The following TNRC18 variants were observed in gnomAD, a reference collection of about 807,000 sequenced individuals.
TNRC18 encodes trinucleotide repeat containing 18.
TNRC18 carries 69 observed loss-of-function variants against 226.7 expected under a neutral mutation model. The observed-to-expected ratio is 0.30, with a 90% CI of 0.25 to 0.37. The LOEUF is 0.37. Among genes scored for constraint, TNRC18 ranks in the 10% least tolerant of loss-of-function variants. The pLI is 1.00. For synonymous variants in TNRC18, 2,449 were observed against 1,927.6 expected, an observed-to-expected ratio of 1.27 and a Z score of -7.09; for missense variants, 4,754 against 4,256.6, an observed-to-expected ratio of 1.12 and a Z score of -3.25.
Position 5,415,317 on chromosome 7 carries a change from TCAGAC to T in TNRC18, c.187+5738_187+5742del, listed in dbSNP as rs112409146. On this transcript the variant is annotated intron_variant, in intron 2 of 29. Transcript: ENST00000430969. ...CTGTGCTGATACAGCCCCTCACCTCTCAGACCAGACCAGACCTTTACCATTTTGTT... is the reference window on the plus strand; with the variant it reads ...CTGTGCTGATACAGCCCCTCACCTCTCAGACCAGACCTTTACCATTTTGTT... Among the ~76,000 whole-genome samples, 305 of 150,582 alleles carry T rather than the reference TCAGAC, an allele frequency of 2.0e-3. 3 individuals carry two copies. The highest frequency in any genetic ancestry group is 7.3e-3 in the African/African-American group (298 of 40,912).
At chr7:5,385,565 C>T (rs1279122897) in intron 5 of TNRC18, among the ~76,000 whole-genome samples, 2 of 150,466 alleles carry the variant, frequency 1.3e-5, no homozygotes, top group Non-Finnish European at 3.0e-5. Flanking sequence ...GTGCCTGTGA[C>T]CCCAGCTCCT....
chr7:5,404,470 A>G (rs1781331297), intron 2 of TNRC18, among the ~76,000 whole-genome samples: 1 of 152,214 alleles, frequency 6.6e-6, no homozygotes, highest in African/African-American at 2.4e-5. Flanking sequence ...AGAAGTATTG[A>G]AACAGTGATG....
At chr7:5,351,227 G>T (rs995663514) in intron 17 of TNRC18, among the ~76,000 whole-genome samples, 1 of 151,634 alleles carries the variant, frequency 6.6e-6, no homozygotes, top group Non-Finnish European at 1.5e-5. Flanking sequence ...GAAACAAAAT[G>T]AGAGGGAAGC....
intron 14 of TNRC18, 145 bp from the exon 15 acceptor site, chr7:5,359,714 T>C: frequency 3.7e-6 from 3 of 812,900 alleles, no homozygotes; most frequent in Middle Eastern, 2.4e-4. Flanking sequence ...GAGATGGATC[T>C]TGTAAAACAA....
At chr7:5,320,498 CGAGCCTCCCGAGG>C in intron 23 of TNRC18, 21 bp downstream of exon 23, 1 of 1,573,636 alleles carries the variant, frequency 6.4e-7, no homozygotes, top group Non-Finnish European at 8.6e-7. Context: ...CAGCCCACCC[CGAGCCTCCCGAGG>C]CCCCGCCCCT....
chr7:5,409,217 G>A (rs2128217221), intron 2 of TNRC18, among the ~76,000 whole-genome samples: 1 of 151,950 alleles, frequency 6.6e-6, no homozygotes, highest in South Asian at 2.1e-4. Flanking sequence ...AAGTCTCCAA[G>A]GTGAAAGAGA....
intron 25 of TNRC18, among the ~76,000 whole-genome samples, 156 bp from the exon 26 acceptor site, chr7:5,315,304 C>T (rs990319481): frequency 2.6e-5 from 4 of 152,232 alleles, no homozygotes; most frequent in African/African-American, 9.6e-5. Context: ...CTGTGAGGTC[C>T]AGCAGGGGAA....
intron 3 of TNRC18, among the ~76,000 whole-genome samples, chr7:5,391,492 G>T (rs1363867106): frequency 6.6e-6 from 1 of 151,780 alleles, no homozygotes; most frequent in South Asian, 2.1e-4. Context: ...TGTATTTTTA[G>T]TAGAGATGGG....
At chr7:5,354,831 C>T (rs1486631009) in intron 16 of TNRC18, among the ~76,000 whole-genome samples, 1 of 152,188 alleles carries the variant, frequency 6.6e-6, no homozygotes, top group Non-Finnish European at 1.5e-5. Flanking sequence ...AGGCCCCCAA[C>T]GACCCCGTAA....
rs1562504810 is a variant in TNRC18 at position 5,332,852 on chromosome 7, T to G, written c.5917A>C (p.Lys1973Gln). The change falls in exon 19 of 30, where the codon AAG becomes CAG. Residue 1973 changes from lysine (K) to glutamine (Q), a missense_variant. Physicochemically the swap from Lys to Gln is moderately conservative, Grantham distance 53 (BLOSUM62 1). Transcript: ENST00000430969. ...CCAGGCTCCTTGGGGCCCCGCAGCTTCCGGGCCTTGCGCCCCTTCTCCACC... is the reference window on the plus strand; with the variant it reads ...CCAGGCTCCTTGGGGCCCCGCAGCTGCCGGGCCTTGCGCCCCTTCTCCACC... ...LAVEKGRKAR[K>Q]LRGPKEPGFE... The G allele has an allele frequency of 6.6e-7, 1 of 1,510,916 alleles. No homozygotes were observed. 93.6% of individuals were successfully genotyped at this position (1,510,916 alleles called of 1,614,324 possible). A position where few individuals can be genotyped will look rare whatever the true frequency, so the allele number is the denominator to read the frequency against.
intron 2 of TNRC18, among the ~76,000 whole-genome samples, chr7:5,400,381 G>A (rs1477686153): frequency 2.0e-5 from 3 of 152,074 alleles, no homozygotes; most frequent in East Asian, 1.9e-4. Context: ...AGGCAGAGGC[G>A]GGCGGATCAC....
intron 15 of TNRC18, 85 bp downstream of exon 15, chr7:5,359,313 C>T: frequency 2.2e-6 from 3 of 1,390,076 alleles, no homozygotes; most frequent in South Asian, 2.4e-5. Context: ...GAACAAAGGG[C>T]CTGCGAAGGG....
intron 2 of TNRC18, among the ~76,000 whole-genome samples, chr7:5,404,374 A>C (rs1196410574): frequency 1.3e-5 from 2 of 151,708 alleles, no homozygotes; most frequent in Non-Finnish European, 2.9e-5. Context: ...CCGTCTTGAG[A>C]AAAAAAAAGA....
At chr7:5,343,257 G>C (rs1790854486) in intron 18 of TNRC18, among the ~76,000 whole-genome samples, 1 of 152,120 alleles carries the variant, frequency 6.6e-6, no homozygotes, top group African/African-American at 2.4e-5. Context: ...GGGAGGCTGA[G>C]GCAGGAGAAT....
In TNRC18 at chr7:5,388,509, G is replaced by A. The variant is rs1177065617; in HGVS notation, c.1315C>T (p.Pro439Ser). Reference protein sequence around the residue: ...KNSVIRSLKRPPPADAPTVRA... With the variant: ...KNSVIRSLKRSPPADAPTVRA... ...ACCGTGGGGGCATCCGCGGGGGGCG[G>A]CCGCTTGAGCGAGCGGATGACCGAG... The change falls in exon 5 of 30, where the codon CCG (proline) becomes TCG (serine). Residue 439 changes from proline to serine, a missense_variant. Coordinates refer to ENST00000430969, the MANE Select transcript of TNRC18 (RefSeq NM_001080495.3). 12 of 1,329,168 alleles carry A rather than the reference G, an allele frequency of 9.0e-6. No individual in the cohort carries two copies. Among genetic ancestry groups the A allele is most frequent in the Middle Eastern group, 2.3e-4 (1 of 4,280 alleles). The allele number at this position is 1,329,168 out of a possible 1,614,324, so 82.3% of individuals were successfully genotyped here. A position where few individuals can be genotyped will look rare whatever the true frequency, so the allele number is the denominator to read the frequency against.
intron 22 of TNRC18, 185 bp from the exon 23 acceptor site, chr7:5,320,792 AG>A: frequency 1.6e-6 from 1 of 629,586 alleles, no homozygotes. Context: ...CTGTAGGACT[AG>A]GGGTTGCAAG....
intron 11 of TNRC18, 35 bp downstream of exon 11, chr7:5,370,340 C>T (rs1171591968): frequency 9.2e-6 from 14 of 1,514,406 alleles, no homozygotes; most frequent in African/African-American, 4.1e-5. Context: ...CTAAAACTCA[C>T]GAATCTGCAG....
intron 21 of TNRC18, among the ~76,000 whole-genome samples, chr7:5,321,613 T>TG (rs1788364732): frequency 6.6e-6 from 1 of 152,130 alleles, no homozygotes; most frequent in South Asian, 2.1e-4. Context: ...CCCCTCTTAC[T>TG]GCTGCCCACA....
Position 5,376,206 on chromosome 7 carries a change from GCCCGCTCC to G in TNRC18, c.2619_2626del (p.Met873IlefsTer238). 6.6e-7 allele frequency: 1 copy of G among 1,510,920 alleles called. No homozygotes were observed. The allele number at this position is 1,510,920 out of a possible 1,614,324, so 93.6% of individuals were successfully genotyped here. ...GGCGGGCCAGAGGGGCGGTACGGTG[GCCCGCTCC>G]ATCAGCTCCGCTGCAGGGACAGAGA... On this transcript the variant is annotated frameshift_variant, in exon 9 of 30. Transcript: ENST00000430969. LOFTEE classifies it high-confidence loss of function.
Sources: allele counts gnomAD v4.1 joint callset (sites outside exome capture counted in the v4.1 genomes callset), GRCh38; gene constraint gnomAD v4.1.1; transcripts MANE v1.5; gene names NCBI Gene and HGNC (gene_info 2026-07-23, HGNC 2026-07-21).